Variants in EPHB2 observed in about 807,000 individuals in gnomAD.
EPHB2 encodes the protein EPH receptor B2.
A neutral mutation model predicts 96.4 loss-of-function variants in EPHB2; 18 were observed. That is an observed-to-expected ratio of 0.19 (90% CI 0.13 to 0.28). EPHB2 has a LOEUF of 0.28. Ranked by LOEUF, EPHB2 falls within the 10% of genes least tolerant of loss-of-function variation. EPHB2 has a pLI of 1.00. For missense variants in EPHB2, 989 were observed against 1,355.4 expected (o/e 0.73, Z 4.25); for synonymous variants, 506 against 534.1 (o/e 0.95, Z 0.72).
At chr1:22,797,135 T>G (rs1050797098) in intron 3 of EPHB2, among the ~76,000 whole-genome samples, 1 of 152,058 alleles carries the variant, frequency 6.6e-6, no homozygotes, top group Non-Finnish European at 1.5e-5. Context: ...CTAGAAAGGG[T>G]CAGAGCTGGG....
In EPHB2 at chr1:22,801,872, G is replaced by A. The variant is rs2817880; in HGVS notation, c.811+16796G>A. Among the ~76,000 whole-genome samples, 738 of 152,290 alleles carry A rather than the reference G, an allele frequency of 4.8e-3. 5 individuals are homozygous for A. The highest frequency in any genetic ancestry group is 0.017 in the African/African-American group (693 of 41,544). On this transcript the variant is annotated intron_variant, in intron 3 of 15. Transcript: ENST00000374630. The stretch of plus-strand genomic sequence containing the variant: ...TCCCTTTGATTCTCCTCTACCCAGC[G>A]TTTCTGCTGACCTCTGCGTGTTGGG...
chr1:22,887,575 C>T (rs144547616), intron 6 of EPHB2, among the ~76,000 whole-genome samples: 1 of 152,350 alleles, frequency 6.6e-6, no homozygotes, highest in Non-Finnish European at 1.5e-5. Context: ...CTGACAACTG[C>T]GTTGCTAGAT....
chr1:22,766,537 T>C (rs1411052404), intron 1 of EPHB2, among the ~76,000 whole-genome samples: 2 of 152,286 alleles, frequency 1.3e-5, no homozygotes, highest in African/African-American at 4.8e-5. Context: ...CAAAGGGCGT[T>C]GTGTCCATAC....
intron 1 of EPHB2, among the ~76,000 whole-genome samples, chr1:22,719,817 A>G (rs1316451605): frequency 6.6e-6 from 1 of 152,208 alleles, no homozygotes; most frequent in Non-Finnish European, 1.5e-5. Flanking sequence ...TACAAAAAGT[A>G]CAGGACTCCA....
In EPHB2 at chr1:22,919,744, A is replaced by C. The variant is rs1640351252; in HGVS notation, c.*6174A>C. The C allele has an allele frequency of 6.6e-6, 1 of 151,882 alleles. No individual in the cohort carries two copies. Among genetic ancestry groups the C allele is most frequent in the Non-Finnish European group, 1.5e-5 (1 of 67,992 alleles). 9.4% of individuals were successfully genotyped at this position (151,882 alleles called of 1,614,324 possible). A position where few individuals can be genotyped will look rare whatever the true frequency, so the allele number is the denominator to read the frequency against. On this transcript the variant is annotated 3_prime_UTR_variant, in exon 16 of 16. Coordinates refer to ENST00000374630, the MANE Select transcript of EPHB2 (RefSeq NM_017449.5). ...GGAGGTCACAGCCAGGACCACATAC[A>C]CTCTTGGGGGCCCTGCTGAGACTGC...
At chr1:22,838,161 G>C (rs2148494217) in intron 3 of EPHB2, among the ~76,000 whole-genome samples, 1 of 152,302 alleles carries the variant, frequency 6.6e-6, no homozygotes, top group Middle Eastern at 3.4e-3. Flanking sequence ...GACCCTAGCA[G>C]ATCCCATGCC....
intron 1 of EPHB2, among the ~76,000 whole-genome samples, chr1:22,720,715 C>T (rs905834127): frequency 2.2e-5 from 3 of 137,646 alleles, no homozygotes; most frequent in Non-Finnish European, 3.1e-5. Flanking sequence ...TGTTATCTGC[C>T]TCTTCTGAGA....
intron 3 of EPHB2, among the ~76,000 whole-genome samples, chr1:22,822,972 G>A (rs866429274): frequency 3.3e-5 from 5 of 152,214 alleles, no homozygotes; most frequent in Admixed American, 6.5e-5. Flanking sequence ...GCTGTGGTTC[G>A]GCTGAGCCCT....
chr1:22,762,817 C>T (rs1268046197), intron 1 of EPHB2, among the ~76,000 whole-genome samples: 7 of 152,132 alleles, frequency 4.6e-5, no homozygotes, highest in African/African-American at 7.2e-5. Flanking sequence ...GGCCCCACAC[C>T]GTAGCAGGCC....
At chr1:22,764,854 GT>G (rs1644285223) in intron 1 of EPHB2, among the ~76,000 whole-genome samples, 2 of 152,178 alleles carry the variant, frequency 1.3e-5, no homozygotes, top group South Asian at 4.1e-4. Context: ...CTGCTGCCAG[GT>G]TCCCGCTCCC....
chr1:22,910,617 C>T (rs750044409), intron 14 of EPHB2, 42 bp downstream of exon 14: 3 of 1,606,122 alleles, frequency 1.9e-6, no homozygotes, highest in Admixed American at 1.7e-5. Flanking sequence ...GGCCCTGCCC[C>T]TCTTCCCGTC....
chr1:22,765,166 G>A (rs1045417663), intron 1 of EPHB2, among the ~76,000 whole-genome samples: 4 of 152,116 alleles, frequency 2.6e-5, no homozygotes, highest in African/African-American at 7.2e-5. Context: ...GGGAGCCTTG[G>A]CCCAGAACTC....
chr1:22,907,209 G>A (rs969737456), intron 11 of EPHB2, among the ~76,000 whole-genome samples: 1 of 152,204 alleles, frequency 6.6e-6, no homozygotes, highest in Non-Finnish European at 1.5e-5. Context: ...ACAATCAGTT[G>A]ATCAGAGTTG....
chr1:22,867,393 T>A (rs1038903663), intron 5 of EPHB2, among the ~76,000 whole-genome samples: 1 of 152,206 alleles, frequency 6.6e-6, no homozygotes, highest in African/African-American at 2.4e-5. Flanking sequence ...AATGTGGCTC[T>A]GCCTGTCTGT....
intron 5 of EPHB2, among the ~76,000 whole-genome samples, chr1:22,869,267 A>T (rs1228560724): frequency 6.6e-6 from 1 of 152,010 alleles, no homozygotes; most frequent in African/African-American, 2.4e-5. Flanking sequence ...TACTTAAGTG[A>T]CTTCTACTAA....
intron 6 of EPHB2, among the ~76,000 whole-genome samples, chr1:22,889,070 G>A (rs1025963132): frequency 3.9e-5 from 6 of 152,144 alleles, no homozygotes; most frequent in African/African-American, 4.8e-5. Flanking sequence ...TGGGAGGATC[G>A]CTTGTGTCTG....
At position 22,863,165 on chromosome 1, in the gene EPHB2, C is replaced by G; in HGVS notation, c.940C>G (p.Leu314Val). 1.9e-6 allele frequency: 3 copies of G among 1,614,224 alleles called. No individual in the cohort carries two copies. The South Asian group carries it at 3.3e-5, about 18-fold the overall frequency. ...CCGCAATGGCTACTACAGAGCAGACCTGGACCCCCTGGACATGCCCTGCAC... is the reference window on the plus strand; with the variant it reads ...CCGCAATGGCTACTACAGAGCAGACGTGGACCCCCTGGACATGCCCTGCAC... Reference protein sequence around the residue: ...VCRNGYYRADLDPLDMPCTTI... With the variant: ...VCRNGYYRADVDPLDMPCTTI... Residue 314 changes from leucine (L) to valine (V), a missense_variant, in exon 4 of 16, where the codon CTG (leucine) becomes GTG (valine). Transcript: ENST00000374630.
At chr1:22,739,425 A>T (rs759097008) in intron 1 of EPHB2, among the ~76,000 whole-genome samples, 3 of 152,166 alleles carry the variant, frequency 2.0e-5, no homozygotes, top group Non-Finnish European at 4.4e-5. Context: ...CTTGTTGGCC[A>T]GGCTGGTCTC....
At chr1:22,806,474 G>T (rs530927094) in intron 3 of EPHB2, among the ~76,000 whole-genome samples, 5 of 143,958 alleles carry the variant, frequency 3.5e-5, no homozygotes, top group African/African-American at 2.6e-5. Context: ...TGGATGGATG[G>T]ATGGACGGAC....
Sources: allele counts gnomAD v4.1 joint callset (sites outside exome capture counted in the v4.1 genomes callset), GRCh38; gene constraint gnomAD v4.1.1; transcripts MANE v1.5; gene names NCBI Gene and HGNC (gene_info 2026-07-23, HGNC 2026-07-21).